ECT2L: variants seen among roughly 807,000 people sequenced by gnomAD.
The protein encoded by ECT2L is epithelial cell transforming 2 like, also known as epithelial cell-transforming sequence 2 oncogene-like.
ECT2L carries 126 observed loss-of-function variants against 122.8 expected under a neutral mutation model. That is an observed-to-expected ratio of 1.03 (90% CI 0.89 to 1.19). ECT2L has a LOEUF of 1.19. Ranked by LOEUF, ECT2L falls within the 50% of genes most tolerant of loss-of-function variation. The probability of loss-of-function intolerance (pLI) is 0.00; values close to 1 mark genes in which losing one functional copy is unlikely to be tolerated. For synonymous variants in ECT2L, 385 were observed against 381.8 expected (o/e 1.01, Z -0.10); for missense variants, 1,012 against 1,064.1 (o/e 0.95, Z 0.68).
rs373124968 is a variant in ECT2L, at chr6:138,901,013, G to A, written c.2480G>A (p.Arg827Gln). 7.9e-5 allele frequency: 127 copies of A among 1,613,938 alleles called. No homozygotes were observed. The highest frequency in any genetic ancestry group is 1.0e-4 in the Non-Finnish European group (119 of 1,180,016). The part of the protein sequence containing the change: ...LFNDALLVSS[R>Q]GTSHTPFERT... ...AATGATGCCCTGCTCGTTTCTAGTC[G>A]GGGCACATCTCACACTCCATTTGAG... The change falls in exon 21 of 22, where the codon CGG becomes CAG. Residue 827 changes from arginine to glutamine, a missense_variant. By Grantham distance (43) the Arg-to-Gln change is conservative. Transcript: ENST00000541398.
At chr6:138,871,189 T>C (rs1031472030) in intron 13 of ECT2L, among the ~76,000 whole-genome samples, 2 of 152,352 alleles carry the variant, frequency 1.3e-5, no homozygotes, top group African/African-American at 4.8e-5. Flanking sequence ...ACATAACTGA[T>C]TTCTATGTAG....
At chr6:138,815,342 C>T (rs949067494) in intron 4 of ECT2L, among the ~76,000 whole-genome samples, 2 of 152,184 alleles carry the variant, frequency 1.3e-5, no homozygotes. Context: ...ATGTTAGAAA[C>T]GGATTCTCTT....
chr6:138,803,355 C>A (rs1775610416), intron 1 of ECT2L, among the ~76,000 whole-genome samples: 1 of 151,570 alleles, frequency 6.6e-6, no homozygotes, highest in Non-Finnish European at 1.5e-5. Context: ...ATATACTATA[C>A]TATGCTCACA....
chr6:138,852,378 G>A (rs142317030), intron 9 of ECT2L, among the ~76,000 whole-genome samples: 1 of 151,264 alleles, frequency 6.6e-6, no homozygotes, highest in Non-Finnish European at 1.5e-5. Flanking sequence ...TTTAGAAGTA[G>A]ACGTCTAGTT....
rs116284120 is a variant in ECT2L, at chr6:138,855,181, T to C, written c.1198+1027T>C. On this transcript the variant is annotated intron_variant, in intron 10 of 21. Coordinates refer to ENST00000541398, the MANE Select transcript of ECT2L (RefSeq NM_001077706.3). ...CAAAGTTATTCCAATTATATTTATA[T>C]ACATATATATATTTATTAAATCTCA... Among the ~76,000 whole-genome samples the C allele has an allele frequency of 2.9e-3, 446 of 151,706 alleles. 2 individuals are homozygous for C. The highest frequency in any genetic ancestry group is 0.01 in the African/African-American group (420 of 41,276).
chr6:138,885,733 A>G lies in ECT2L; in HGVS notation c.2162A>G (p.Tyr721Cys). The G allele has an allele frequency of 6.2e-7, 1 of 1,614,174 alleles. No individual in the cohort carries two copies. Among genetic ancestry groups the G allele is most frequent in the Non-Finnish European group, 8.5e-7 (1 of 1,180,032 alleles). Reference protein sequence around the residue: ...RRFEEYLNLLYAVRLHTPAEH... With the variant: ...RRFEEYLNLLCAVRLHTPAEH... ...TTTGAAGAATACCTTAATCTTCTCTACGCTGTCAGGCTTCATACCCCTGCA... is the reference window on the plus strand; with the variant it reads ...TTTGAAGAATACCTTAATCTTCTCTGCGCTGTCAGGCTTCATACCCCTGCA... The change falls in exon 18 of 22, where the codon TAC (tyrosine) becomes TGC (cysteine). Residue 721 changes from tyrosine to cysteine, a missense_variant. Physicochemically the swap from Tyr to Cys is radical, Grantham distance 194 (BLOSUM62 -2). Transcript: ENST00000541398.
At chr6:138,844,837 G>T (rs532812694) in intron 7 of ECT2L, among the ~76,000 whole-genome samples, 1 of 133,472 alleles carries the variant, frequency 7.5e-6, no homozygotes, top group South Asian at 2.3e-4. Context: ...GCCACATTGC[G>T]CAGGCTGGTG....
At chr6:138,864,758 T>G (rs1001806261) in intron 11 of ECT2L, among the ~76,000 whole-genome samples, 1 of 152,218 alleles carries the variant, frequency 6.6e-6, no homozygotes, top group African/African-American at 2.4e-5. Flanking sequence ...TTGAATGGAA[T>G]ATGTCAGCCT....
intron 11 of ECT2L, among the ~76,000 whole-genome samples, chr6:138,863,181 T>C (rs1777900283): frequency 6.6e-6 from 1 of 152,200 alleles, no homozygotes; most frequent in Non-Finnish European, 1.5e-5. Context: ...AAGCAAACTT[T>C]CATTTAGATA....
At chr6:138,797,742 A>C (rs996450637) in intron 1 of ECT2L, among the ~76,000 whole-genome samples, 3 of 152,124 alleles carry the variant, frequency 2.0e-5, no homozygotes, top group African/African-American at 7.2e-5. Flanking sequence ...CTTCCCACCG[A>C]CAACCAATTC....
rs566624746 is a variant in ECT2L, at chr6:138,882,928, T to C, written c.2028+57T>C. The C allele has an allele frequency of 1.0e-5, 16 of 1,574,256 alleles. No individual in the cohort carries two copies. The Admixed American group carries it at 2.3e-4, about 22-fold the overall frequency. On this transcript the variant is annotated intron_variant, in intron 16 of 21. Coordinates refer to ENST00000541398, the MANE Select transcript of ECT2L (RefSeq NM_001077706.3). The stretch of plus-strand genomic sequence containing the variant: ...GACCTGAGCTAGAAAGGAAGTTACG[T>C]GTGGAACCCGAAAGACCAGCGTTAA...
At chr6:138,837,589 T>C (rs1776883623) in intron 4 of ECT2L, among the ~76,000 whole-genome samples, 1 of 148,546 alleles carries the variant, frequency 6.7e-6, no homozygotes, top group Admixed American at 6.8e-5. Context: ...GGTCTTATAA[T>C]ACAGGCAGCC....
At position 138,844,443 on chromosome 6, in the gene ECT2L, G is replaced by T; in HGVS notation, c.627G>T (p.Val209=). ...TATTCAAAGTTCGACCCCCTTGGGT[G>T]AGTGGAACTTGCTGCTCTAGCGTGC... ...KELFKVRPPW[V]SGTCCSSVLK... is the part of the protein sequence containing the mutation. The change falls in exon 7 of 22, where the codon GTG becomes GTT. Residue 209 remains valine, a synonymous_variant. Transcript: ENST00000541398. The T allele has an allele frequency of 6.2e-7, 1 of 1,614,138 alleles. No individual in the cohort carries two copies. Among genetic ancestry groups the T allele is most frequent in the South Asian group, 1.1e-5 (1 of 91,072 alleles).
intron 4 of ECT2L, among the ~76,000 whole-genome samples, chr6:138,824,875 A>G (rs1177537336): frequency 6.6e-6 from 1 of 152,214 alleles, no homozygotes; most frequent in Admixed American, 6.5e-5. Context: ...TACTCGTTCC[A>G]GCTACTTCTG....
chr6:138,805,132 C>T (rs1014052183), intron 1 of ECT2L, among the ~76,000 whole-genome samples: 1 of 152,244 alleles, frequency 6.6e-6, no homozygotes, highest in Admixed American at 6.5e-5. Context: ...GTGATTCATC[C>T]TTACTGTTTT....
Position 138,847,065 on chromosome 6 carries a change from C to CA in ECT2L, c.903+392dup, listed in dbSNP as rs1187212931. ...GGTGGATCACCTGAGGTCAGGAGTT[C>CA]AAAACCAGCCTGGCCAACATGACGA... On this transcript the variant is annotated intron_variant, in intron 8 of 21. Transcript: ENST00000541398. Among the ~76,000 whole-genome samples, 3 of 149,606 alleles carry CA rather than the reference C, an allele frequency of 2.0e-5. No homozygotes were observed. The East Asian group carries it at 6.0e-4, about 30-fold the overall frequency.
chr6:138,873,872 CTGTGTGTG>C (rs57839466), intron 13 of ECT2L, among the ~76,000 whole-genome samples: 37 of 71,366 alleles, frequency 5.2e-4, no homozygotes, highest in Middle Eastern at 5.6e-3. Flanking sequence ...AAATCCAGGA[CTGTGTGTG>C]TGTGTGTGTG....
Position 138,901,184 on chromosome 6 carries a change from T to C in ECT2L, c.2587+64T>C, listed in dbSNP as rs1051992350. On this transcript the variant is annotated intron_variant, in intron 21 of 21. Transcript: ENST00000541398. ...AAAAGCTATATAATGTAAAGCTCTTTAACAGAACAGTAGAAAAAGGACTGG... is the reference window on the plus strand; with the variant it reads ...AAAAGCTATATAATGTAAAGCTCTTCAACAGAACAGTAGAAAAAGGACTGG... The C allele has an allele frequency of 2.7e-6, 4 of 1,492,998 alleles. No homozygotes were observed. In the East Asian group the frequency reaches 9.1e-5, roughly 34 times the overall value. 92.5% of individuals were successfully genotyped at this position (1,492,998 alleles called of 1,614,324 possible).
chr6:138,884,282 C>G (rs932516712), intron 16 of ECT2L, among the ~76,000 whole-genome samples: 1 of 152,174 alleles, frequency 6.6e-6, no homozygotes, highest in African/African-American at 2.4e-5. Context: ...TGACATCTTT[C>G]AGGCATGGAA....
Sources: gnomAD v4.1 joint callset for allele counts (sites outside exome capture counted in the v4.1 genomes callset) on GRCh38, gnomAD v4.1.1 for gene constraint, MANE v1.5 for transcripts, NCBI Gene and HGNC (gene_info 2026-07-23, HGNC 2026-07-21) for gene names.